Variants in IRAK3 observed in about 807,000 individuals in gnomAD.
The protein encoded by IRAK3 is interleukin-1 receptor-associated kinase 3.
A neutral mutation model predicts 56.6 loss-of-function variants in IRAK3; 57 were observed. The observed-to-expected ratio is 1.01, with a 90% CI of 0.81 to 1.26. The LOEUF (loss-of-function observed/expected upper bound fraction) is 1.26. Among genes scored for constraint, IRAK3 ranks in the 50% most tolerant of loss-of-function variants. The probability of loss-of-function intolerance (pLI) is 0.00; values close to 1 mark genes in which losing one functional copy is unlikely to be tolerated. For synonymous variants in IRAK3, 258 were observed against 255.7 expected (o/e 1.01, Z -0.09); for missense variants, 703 against 719.0 (o/e 0.98, Z 0.25).
At chr12:66,209,393 G>A in intron 2 of IRAK3, 63 bp from the exon 3 acceptor site, 6 of 935,868 alleles carry the variant, frequency 6.4e-6, no homozygotes, top group Non-Finnish European at 8.8e-6. Flanking sequence ...CAGAGTCTCA[G>A]AAAGGAAAAA....
At chr12:66,236,859 A>G (rs549421603) in intron 8 of IRAK3, among the ~76,000 whole-genome samples, 6 of 152,214 alleles carry the variant, frequency 3.9e-5, no homozygotes, top group Non-Finnish European at 5.9e-5. Flanking sequence ...ATGAGGTCAG[A>G]TATGTTTAGG....
At chr12:66,209,414 A>G in intron 2 of IRAK3, 42 bp from the exon 3 acceptor site, 2 of 1,198,670 alleles carry the variant, frequency 1.7e-6, no homozygotes, top group Non-Finnish European at 2.5e-6. Context: ...CATTAGGGAC[A>G]TAAAATTTTT....
At chr12:66,228,494 C>T (rs776294612) in intron 8 of IRAK3, 124 bp downstream of exon 8, 16 of 748,454 alleles carry the variant, frequency 2.1e-5, no homozygotes, top group Admixed American at 1.6e-4. Flanking sequence ...TAAGAATTCT[C>T]ATCTAGGTAT....
chr12:66,198,071 T>G, intron 1 of IRAK3: 2 of 985,048 alleles, frequency 2.0e-6, no homozygotes, highest in Non-Finnish European at 2.4e-6. Flanking sequence ...TGTTTATACC[T>G]TTTTATGTAT....
intron 2 of IRAK3, among the ~76,000 whole-genome samples, chr12:66,208,502 T>C (rs1358608999): frequency 6.6e-6 from 1 of 152,218 alleles, no homozygotes; most frequent in African/African-American, 2.4e-5. Flanking sequence ...GGCTCATGCC[T>C]GTAATCCTAG....
rs1438902424 is a variant in IRAK3 at position 66,248,890 on chromosome 12, A to C, written c.*719A>C. 6.6e-6 allele frequency: 1 copy of C among 152,178 alleles called. No individual in the cohort carries two copies. The highest frequency in any genetic ancestry group is 1.5e-5 in the Non-Finnish European group (1 of 68,042). 9.4% of individuals were successfully genotyped at this position (152,178 alleles called of 1,614,324 possible). A position where few individuals can be genotyped will look rare whatever the true frequency, so the allele number is the denominator to read the frequency against. On this transcript the variant is annotated 3_prime_UTR_variant, in exon 12 of 12. Transcript: ENST00000261233. The stretch of plus-strand genomic sequence containing the variant: ...GACTATGTGAAATGTCCATCAAGTA[A>C]TTTTTATTCCTGAGAAAATGGCTGG...
At chr12:66,244,788 G>A (rs747766699) in intron 9 of IRAK3, 104 bp downstream of exon 9, 27 of 1,129,532 alleles carry the variant, frequency 2.4e-5, no homozygotes, top group African/African-American at 3.1e-5. Context: ...TTGATTTCCT[G>A]TTAGCTCATC....
chr12:66,216,739 C>T (rs1364026631), intron 5 of IRAK3, among the ~76,000 whole-genome samples: 2 of 152,146 alleles, frequency 1.3e-5, no homozygotes, highest in Non-Finnish European at 2.9e-5. Context: ...CAAAGGTAAA[C>T]TTGAACTGAC....
intron 1 of IRAK3, chr12:66,197,676 C>G: frequency 1.0e-6 from 1 of 985,212 alleles, no homozygotes; most frequent in Non-Finnish European, 1.2e-6. Flanking sequence ...AGAAAAAATG[C>G]CTTTGTCTAA....
chr12:66,193,672 G>C (rs1349682259), intron 1 of IRAK3, among the ~76,000 whole-genome samples: 2 of 151,518 alleles, frequency 1.3e-5, no homozygotes, highest in South Asian at 4.2e-4. Context: ...TTTGTAGACT[G>C]TTCCTCAACT....
At chr12:66,197,175 G>T in intron 1 of IRAK3, 1 of 1,277,534 alleles carries the variant, frequency 7.8e-7, no homozygotes, top group Non-Finnish European at 9.9e-7. Flanking sequence ...TCCAAAAAAT[G>T]GTTTTAAACA....
At chr12:66,217,038 T>G in intron 5 of IRAK3, 133 bp from the exon 6 acceptor site, 1 of 724,594 alleles carries the variant, frequency 1.4e-6, no homozygotes. Flanking sequence ...CTAAATGTCA[T>G]CTCCCCAGAA....
At chr12:66,220,463 G>GTAATA (rs996402666) in intron 6 of IRAK3, among the ~76,000 whole-genome samples, 9 of 137,132 alleles carry the variant, frequency 6.6e-5, no homozygotes, top group African/African-American at 2.5e-4. Flanking sequence ...CTATAGCTCT[G>GTAATA]TAATATAGTT....
In IRAK3 at chr12:66,197,261, G is replaced by A. The variant is rs1490747248; in HGVS notation, c.134-6450G>A. 10 of 1,167,066 alleles carry A rather than the reference G, an allele frequency of 8.6e-6. No individual in the cohort carries two copies. The East Asian group carries it at 2.5e-4, about 29-fold the overall frequency. The allele number at this position is 1,167,066 out of a possible 1,614,324, so 72.3% of individuals were successfully genotyped here. On this transcript the variant is annotated intron_variant, in intron 1 of 11. Coordinates refer to ENST00000261233, the MANE Select transcript of IRAK3 (RefSeq NM_007199.3). ...GCTTTTAACTTTATCAACATAATTA[G>A]TCATTGAGAACTTTTCTCTGTATTT...
intron 8 of IRAK3, among the ~76,000 whole-genome samples, chr12:66,238,037 G>C (rs1234498443): frequency 1.3e-5 from 2 of 152,212 alleles, no homozygotes; most frequent in African/African-American, 4.8e-5. Flanking sequence ...TGTACAGCAG[G>C]AATTTTGGAG....
At chr12:66,246,048 A>G (rs2053029919) in intron 11 of IRAK3, among the ~76,000 whole-genome samples, 1 of 129,468 alleles carries the variant, frequency 7.7e-6, no homozygotes, top group African/African-American at 2.6e-5. Flanking sequence ...CAGTAAACAT[A>G]GAATGTTGGT....
Position 66,248,736 on chromosome 12 carries a change from C to T in IRAK3, c.*565C>T, listed in dbSNP as rs1048917012. On this transcript the variant is annotated 3_prime_UTR_variant, in exon 12 of 12. Coordinates refer to ENST00000261233, the MANE Select transcript of IRAK3 (RefSeq NM_007199.3). ...AATGAGCCAGGTTCACCCTTAGCTACGGCATGCTCTGGGTTGAAAGGGGAT... is the reference window on the plus strand; with the variant it reads ...AATGAGCCAGGTTCACCCTTAGCTATGGCATGCTCTGGGTTGAAAGGGGAT... The T allele has an allele frequency of 4.6e-5, 7 of 152,996 alleles. No individual in the cohort carries two copies. The highest frequency in any genetic ancestry group is 1.4e-4 in the African/African-American group (6 of 41,430). 9.5% of individuals were successfully genotyped at this position (152,996 alleles called of 1,614,324 possible).
intron 7 of IRAK3, among the ~76,000 whole-genome samples, chr12:66,227,560 C>G (rs894321294): frequency 1.3e-5 from 2 of 150,178 alleles, no homozygotes; most frequent in African/African-American, 4.9e-5. Flanking sequence ...GCCTGGGTGA[C>G]AGAGCGAGAC....
chr12:66,189,225 G>A lies in IRAK3; in HGVS notation c.-75G>A. ...GCCGTCGTGGAAGCAGGATTTCCGC[G>A]GTTGTGTAACGGCCTGTCGCAGGCG... On this transcript the variant is annotated 5_prime_UTR_variant, in exon 1 of 12. Transcript: ENST00000261233. 6.6e-7 allele frequency: 1 copy of A among 1,513,810 alleles called. No homozygotes were observed. Among genetic ancestry groups the A allele is most frequent in the Non-Finnish European group, 8.8e-7 (1 of 1,130,432 alleles). 93.8% of individuals were successfully genotyped at this position (1,513,810 alleles called of 1,614,324 possible). A position where few individuals can be genotyped will look rare whatever the true frequency, so the allele number is the denominator to read the frequency against.
Sources: gnomAD v4.1 joint callset for allele counts (sites outside exome capture counted in the v4.1 genomes callset) on GRCh38, gnomAD v4.1.1 for gene constraint, MANE v1.5 for transcripts, NCBI Gene and HGNC (gene_info 2026-07-23, HGNC 2026-07-21) for gene names.